The following ENOX1 variants were observed in gnomAD, a reference collection of about 807,000 sequenced individuals.
The protein encoded by ENOX1 is candidate growth-related and time keeping constitutive hydroquinone (NADH) oxidase.
In ENOX1, 42 loss-of-function variants were observed where a neutral mutation model predicts 82.5. The ratio of observed to expected loss-of-function variants is 0.51; its 90% CI spans 0.40 to 0.66. The LOEUF (loss-of-function observed/expected upper bound fraction) is 0.66, where lower values mean the gene tolerates loss of function less well. Ranked by LOEUF, ENOX1 falls within the 30% of genes least tolerant of loss-of-function variation. The probability of loss-of-function intolerance (pLI) is 0.00; values close to 1 mark genes in which losing one functional copy is unlikely to be tolerated. For synonymous variants in ENOX1, 271 were observed against 282.2 expected (o/e 0.96, Z 0.40); for missense variants, 608 against 811.6 (o/e 0.75, Z 3.05).
intron 1 of ENOX1, among the ~76,000 whole-genome samples, chr13:43,747,706 TG>T (rs1313696624): frequency 2.6e-5 from 4 of 152,236 alleles, no homozygotes; most frequent in Non-Finnish European, 4.4e-5. Flanking sequence ...AAAAACATTT[TG>T]AGGACCTAGA....
intron 1 of ENOX1, among the ~76,000 whole-genome samples, chr13:43,750,031 A>G (rs1042577285): frequency 6.6e-6 from 1 of 152,172 alleles, no homozygotes; most frequent in Non-Finnish European, 1.5e-5. Context: ...TCATTTTTTT[A>G]AATTATAACA....
At chr13:43,485,689 T>C (rs934495581) in intron 2 of ENOX1, among the ~76,000 whole-genome samples, 5 of 152,192 alleles carry the variant, frequency 3.3e-5, no homozygotes, top group African/African-American at 7.2e-5. Context: ...CTTGAACCAA[T>C]GGATCTAAAC....
At chr13:43,698,584 T>C (rs2086756772) in intron 1 of ENOX1, among the ~76,000 whole-genome samples, 1 of 152,144 alleles carries the variant, frequency 6.6e-6, no homozygotes, top group Non-Finnish European at 1.5e-5. Context: ...TTTTAACACA[T>C]ATAAAAATTC....
intron 11 of ENOX1, among the ~76,000 whole-genome samples, chr13:43,306,287 C>T (rs2046856478): frequency 6.6e-6 from 1 of 152,186 alleles, no homozygotes; most frequent in Non-Finnish European, 1.5e-5. Context: ...TCCTACTGAG[C>T]CCCAAGGCCA....
At chr13:43,477,928 A>T (rs1983793) in intron 3 of ENOX1, among the ~76,000 whole-genome samples, 65,122 of 151,988 alleles carry the variant, frequency 0.43, 14,515 homozygotes, top group Non-Finnish European at 0.5. Context: ...AAACATTTTC[A>T]AACATAATCC....
intron 2 of ENOX1, among the ~76,000 whole-genome samples, chr13:43,576,542 A>C (rs981449235): frequency 6.6e-6 from 1 of 152,200 alleles, no homozygotes; most frequent in African/African-American, 2.4e-5. Context: ...GTAGTGTAAA[A>C]CACATGCCAG....
intron 1 of ENOX1, among the ~76,000 whole-genome samples, chr13:43,710,679 A>G (rs1435869486): frequency 6.6e-6 from 1 of 152,192 alleles, no homozygotes; most frequent in Non-Finnish European, 1.5e-5. Flanking sequence ...GAGAAATGTG[A>G]CCAACATAAA....
intron 12 of ENOX1, among the ~76,000 whole-genome samples, chr13:43,295,548 A>G (rs1201707695): frequency 6.6e-6 from 1 of 152,164 alleles, no homozygotes; most frequent in Non-Finnish European, 1.5e-5. Context: ...GCGATTCCAA[A>G]AGCTGTCTGC....
chr13:43,336,624 G>T (rs991538474), intron 9 of ENOX1, among the ~76,000 whole-genome samples: 1 of 152,302 alleles, frequency 6.6e-6, no homozygotes, highest in Middle Eastern at 3.4e-3. Flanking sequence ...ATATCTGATT[G>T]CCTGTTCTAT....
In ENOX1 at chr13:43,412,960, T is replaced by C. The variant is rs779582454; in HGVS notation, c.-46A>G. The C allele has an allele frequency of 6.2e-6, 10 of 1,611,462 alleles. No homozygotes were observed. In the East Asian group the frequency reaches 1.6e-4, roughly 25 times the overall value. On this transcript the variant is annotated 5_prime_UTR_variant, in exon 4 of 17. Coordinates refer to ENST00000690772, the MANE Select transcript of ENOX1 (RefSeq NM_001347969.2). ...GGGCAGGAACACTTTGATGGCTGAG[T>C]GCAGGGTCCCCTCGGAGGTCATCAG...
At chr13:43,755,396 C>G (rs1950595691) in intron 1 of ENOX1, among the ~76,000 whole-genome samples, 1 of 152,142 alleles carries the variant, frequency 6.6e-6, no homozygotes, top group South Asian at 2.1e-4. Context: ...GGTTGTGTCA[C>G]AGTCATTCAG....
chr13:43,345,975 T>G (rs2049353512), intron 8 of ENOX1, among the ~76,000 whole-genome samples: 1 of 152,110 alleles, frequency 6.6e-6, no homozygotes, highest in African/African-American at 2.4e-5. Flanking sequence ...ATACATACAC[T>G]CCACATGAAT....
At chr13:43,400,226 C>G (rs1047996129) in intron 5 of ENOX1, among the ~76,000 whole-genome samples, 2 of 152,144 alleles carry the variant, frequency 1.3e-5, no homozygotes, top group African/African-American at 4.8e-5. Flanking sequence ...CTGTCTCTCC[C>G]CCAGTGAAAC....
At chr13:43,342,821 C>T (rs2049147499) in intron 9 of ENOX1, among the ~76,000 whole-genome samples, 1 of 152,132 alleles carries the variant, frequency 6.6e-6, no homozygotes, top group African/African-American at 2.4e-5. Flanking sequence ...CTTTTCTGTC[C>T]CTCTCTCAGT....
intron 2 of ENOX1, among the ~76,000 whole-genome samples, chr13:43,529,078 A>G (rs2078100735): frequency 6.6e-6 from 1 of 151,906 alleles, no homozygotes; most frequent in Admixed American, 6.6e-5. Context: ...CCTCATAGAA[A>G]CCGTGTTACA....
At chr13:43,599,856 A>G (rs981259178) in intron 2 of ENOX1, among the ~76,000 whole-genome samples, 3 of 151,786 alleles carry the variant, frequency 2.0e-5, no homozygotes, top group Non-Finnish European at 4.4e-5. Context: ...GCTCAGCCAC[A>G]GTAGACAAGG....
At position 43,753,309 on chromosome 13, in the gene ENOX1, ACT is replaced by A. The variant is rs1319161368; in HGVS notation, c.-285+33341_-285+33342del. 2.0e-5 allele frequency among the ~76,000 whole-genome samples: 3 copies of A among 152,150 alleles called. No individual in the cohort carries two copies. The East Asian group carries it at 5.8e-4, about 29-fold the overall frequency. ...GACTTTTTATCAAATACAAGCTTTA[ACT>A]CTCTAACAATTTAGGTCTTTTAAAA... On this transcript the variant is annotated intron_variant, in intron 1 of 16. Transcript: ENST00000690772.
At chr13:43,604,718 C>G (rs561911348) in intron 2 of ENOX1, among the ~76,000 whole-genome samples, 1 of 152,126 alleles carries the variant, frequency 6.6e-6, no homozygotes, top group Admixed American at 6.6e-5. Flanking sequence ...TGGAACATGA[C>G]ATCAATGCCC....
intron 2 of ENOX1, among the ~76,000 whole-genome samples, chr13:43,629,084 G>A (rs1331492447): frequency 4.6e-5 from 7 of 152,094 alleles, no homozygotes; most frequent in East Asian, 1.9e-4. Flanking sequence ...GGGACAAGTC[G>A]TTACCAACCA....
Sources: allele counts gnomAD v4.1 joint callset (sites outside exome capture counted in the v4.1 genomes callset), GRCh38; gene constraint gnomAD v4.1.1; transcripts MANE v1.5; gene names NCBI Gene and HGNC (gene_info 2026-07-23, HGNC 2026-07-21).